The following SLC6A18 variants were observed in gnomAD, a reference collection of about 807,000 sequenced individuals.
SLC6A18 encodes inactive sodium-dependent neutral amino acid transporter B(0)AT3.
SLC6A18 carries 58 observed loss-of-function variants against 62.9 expected under a neutral mutation model. That is an observed-to-expected ratio of 0.92 (90% confidence interval 0.75 to 1.15). The LOEUF (loss-of-function observed/expected upper bound fraction) is 1.15. Among genes scored for constraint, SLC6A18 ranks in the 50% most tolerant of loss-of-function variants. SLC6A18 has a pLI of 0.00. For synonymous variants in SLC6A18, 382 were observed against 365.8 expected (o/e 1.04, Z -0.51); for missense variants, 793 against 836.6 (o/e 0.95, Z 0.64).
At chr5:1,228,113 G>A (rs1746629945) in intron 1 of SLC6A18, among the ~76,000 whole-genome samples, 1 of 112,620 alleles carries the variant, frequency 8.9e-6, no homozygotes, top group African/African-American at 3.1e-5. Flanking sequence ...TAGTAGTAGA[G>A]CAAGGCCTTT....
In SLC6A18 at chr5:1,241,858, C is replaced by T. The variant is rs532145346; in HGVS notation, c.975-849C>T. 9.8e-5 allele frequency among the ~76,000 whole-genome samples: 15 copies of T among 152,342 alleles called. No homozygotes were observed. In the East Asian group the frequency reaches 1.2e-3, roughly 12 times the overall value. ...AATGAGCAGGCGGATAAGGACCAGC[C>T]GTGCGCACAACGCCCTGCGCCGTGC... On this transcript the variant is annotated intron_variant, in intron 7 of 11. Coordinates refer to ENST00000324642, the MANE Select transcript of SLC6A18 (RefSeq NM_182632.3). This position sits in a 1 kb window ranked among gnomAD's most constrained non-coding sequence, Gnocchi z 7.8.
At chr5:1,236,140 T>A (rs993849424) in intron 4 of SLC6A18, among the ~76,000 whole-genome samples, 3 of 151,954 alleles carry the variant, frequency 2.0e-5, no homozygotes, top group African/African-American at 4.8e-5. Context: ...TGTTTTTTTT[T>A]ATTCTTGTTT....
At chr5:1,237,899 G>A (rs2126535782) in intron 4 of SLC6A18, 51 bp from the exon 5 acceptor site, 4 of 1,433,160 alleles carry the variant, frequency 2.8e-6, no homozygotes, top group Non-Finnish European at 3.0e-6. Context: ...TGAGGCTTGT[G>A]GACAGACCAG....
intron 11 of SLC6A18, among the ~76,000 whole-genome samples, chr5:1,245,105 C>T (rs1002806120): frequency 6.6e-5 from 10 of 152,202 alleles, no homozygotes; most frequent in Non-Finnish European, 1.2e-4. Context: ...ATCCTCCCTG[C>T]CTGTGTCCTG....
intron 7 of SLC6A18, among the ~76,000 whole-genome samples, chr5:1,242,130 T>C (rs1747076384): frequency 6.6e-6 from 1 of 152,134 alleles, no homozygotes; most frequent in Non-Finnish European, 1.5e-5. Flanking sequence ...CCCAGGTCCT[T>C]GTCTGCAGGG....
In SLC6A18 at chr5:1,243,532, G is replaced by A. The variant is rs1362837029; in HGVS notation, c.1132-23G>A. 1 of 1,610,852 alleles carries A rather than the reference G, an allele frequency of 6.2e-7. No homozygotes were observed. The highest frequency in any genetic ancestry group is 8.5e-7 in the Non-Finnish European group (1 of 1,179,468). On this transcript the variant is annotated intron_variant, in intron 8 of 11. Transcript: ENST00000324642. This position sits in a 1 kb window ranked among gnomAD's most constrained non-coding sequence, Gnocchi z 6.5. ...GGAGTGTGTGTGTGCGTGGCCTGAA[G>A]CCCGGGGCTCCGTGTATTGCAGAGT...
At chr5:1,234,954 G>A (rs1197301479) in intron 3 of SLC6A18, among the ~76,000 whole-genome samples, 1 of 152,252 alleles carries the variant, frequency 6.6e-6, no homozygotes, top group Non-Finnish European at 1.5e-5. Flanking sequence ...AGTGGGTCCT[G>A]AGAGATGTCA....
At chr5:1,237,913 C>A in intron 4 of SLC6A18, 37 bp from the exon 5 acceptor site, 1 of 1,515,488 alleles carries the variant, frequency 6.6e-7, no homozygotes. Flanking sequence ...AGACCAGAGG[C>A]CATTTCAAGT....
rs1467627438 is a variant in SLC6A18, at chr5:1,244,598, T to C, written c.1497-10T>C. 7 of 1,586,004 alleles carry C rather than the reference T, an allele frequency of 4.4e-6. No individual in the cohort carries two copies. The South Asian group carries it at 7.9e-5, about 18-fold the overall frequency. ...GACCATGTGAAGCCTGAGCCCAGCA[T>C]CTGGTGCAGGTTCTGCGATGACATT... On this transcript the variant is annotated splice_polypyrimidine_tract_variant and intron_variant, in intron 10 of 11. Coordinates refer to ENST00000324642, the MANE Select transcript of SLC6A18 (RefSeq NM_182632.3).
At chr5:1,225,663 C>G in intron 1 of SLC6A18, 26 bp downstream of exon 1, 1 of 1,538,558 alleles carries the variant, frequency 6.5e-7, no homozygotes, top group Non-Finnish European at 8.8e-7. Flanking sequence ...CGTCCTGGGG[C>G]AGACCCCTAA....
rs923789222 is a variant in SLC6A18, at chr5:1,241,739, C to T, written c.975-968C>T. On this transcript the variant is annotated intron_variant, in intron 7 of 11. Coordinates refer to ENST00000324642, the MANE Select transcript of SLC6A18 (RefSeq NM_182632.3). The surrounding 1 kb of genome is among the most constrained non-coding windows in gnomAD (Gnocchi z 7.8). ...GGCTTTGTTCAGCCCCAGCCGGGGACGTGCATGGCGGGCAACTCTGATTTC... is the reference window on the plus strand; with the variant it reads ...GGCTTTGTTCAGCCCCAGCCGGGGATGTGCATGGCGGGCAACTCTGATTTC... 4.6e-5 allele frequency among the ~76,000 whole-genome samples: 7 copies of T among 152,300 alleles called. No individual in the cohort carries two copies. The highest frequency in any genetic ancestry group is 2.1e-4 in the South Asian group (1 of 4,820).
At chr5:1,229,785 G>T (rs1439316956) in intron 1 of SLC6A18, among the ~76,000 whole-genome samples, 1 of 151,828 alleles carries the variant, frequency 6.6e-6, no homozygotes, top group East Asian at 1.9e-4. Context: ...GGCTGGGGGT[G>T]GGGGGAAGTG....
chr5:1,242,006 C>T (rs1468450853), intron 7 of SLC6A18, among the ~76,000 whole-genome samples: 4 of 147,946 alleles, frequency 2.7e-5, no homozygotes, highest in South Asian at 4.4e-4. Flanking sequence ...CCATGTGTCC[C>T]GCCCTTGGCT....
intron 4 of SLC6A18, among the ~76,000 whole-genome samples, chr5:1,236,513 A>T (rs954174258): frequency 1.3e-5 from 2 of 152,264 alleles, no homozygotes; most frequent in Non-Finnish European, 2.9e-5. Context: ...CATTGGGAGC[A>T]GCAGAAAGGA....
At position 1,244,280 on chromosome 5, in the gene SLC6A18, T is replaced by C. The variant is rs1483944941; in HGVS notation, c.1403T>C (p.Leu468Pro). Residue 468 changes from leucine (L) to proline (P), a missense_variant, in exon 10 of 12, where the codon CTG (leucine) becomes CCG (proline). By Grantham distance (98) the Leu-to-Pro change is moderately conservative. Coordinates refer to ENST00000324642, the MANE Select transcript of SLC6A18 (RefSeq NM_182632.3). ...CFTLQSGNYWLEIFDNFAASP... is the reference protein window; with the variant it reads ...CFTLQSGNYWPEIFDNFAASP... Reference sequence around the variant, plus strand: ...ACGCTGCAGTCTGGGAACTACTGGCTGGAGATTTTCGACAATTTTGCCGCT... The same window carrying C: ...ACGCTGCAGTCTGGGAACTACTGGCCGGAGATTTTCGACAATTTTGCCGCT... 6 of 1,613,680 alleles carry C rather than the reference T, an allele frequency of 3.7e-6. No homozygotes were observed. The highest frequency in any genetic ancestry group is 5.1e-6 in the Non-Finnish European group (6 of 1,179,950).
chr5:1,231,847 C>G (rs1355194973), intron 1 of SLC6A18, among the ~76,000 whole-genome samples: 1 of 152,136 alleles, frequency 6.6e-6, no homozygotes, highest in Non-Finnish European at 1.5e-5. Flanking sequence ...GAGGCTGAGT[C>G]CCCACTGCCG....
At position 1,243,484 on chromosome 5, in the gene SLC6A18, G is replaced by C. The variant is rs1747121050; in HGVS notation, c.1132-71G>C. ...CTCGGCCTGGGAGAGTGTGTGTCCT[G>C]CAGGCAGGCGTGTGTGTGTGGTGGA... On this transcript the variant is annotated intron_variant, in intron 8 of 11. Coordinates refer to ENST00000324642, the MANE Select transcript of SLC6A18 (RefSeq NM_182632.3). The surrounding 1 kb of genome is among the most constrained non-coding windows in gnomAD (Gnocchi z 6.5). 1.3e-6 allele frequency: 2 copies of C among 1,531,360 alleles called. No homozygotes were observed. Among genetic ancestry groups the C allele is most frequent in the Admixed American group, 3.4e-5 (2 of 58,932 alleles). 94.9% of individuals were successfully genotyped at this position (1,531,360 alleles called of 1,614,324 possible). A position where few individuals can be genotyped will look rare whatever the true frequency, so the allele number is the denominator to read the frequency against.
rs943301848 is a variant in SLC6A18, at chr5:1,227,723, G to A, written c.160+2086G>A. On this transcript the variant is annotated intron_variant, in intron 1 of 11. Coordinates refer to ENST00000324642, the MANE Select transcript of SLC6A18 (RefSeq NM_182632.3). ...GTAACAGAATGTAGCAAAACGTTGC[G>A]GTAAAGATTTACAGTGATTTTCTCA... 1.1e-4 allele frequency among the ~76,000 whole-genome samples: 16 copies of A among 152,138 alleles called. 1 individual carries two copies. Among genetic ancestry groups the A allele is most frequent in the Non-Finnish European group, 8.8e-5 (6 of 68,020 alleles).
Position 1,243,953 on chromosome 5 carries a change from G to A in SLC6A18, c.1336+194G>A, listed in dbSNP as rs1032857149. Among the ~76,000 whole-genome samples the A allele has an allele frequency of 2.8e-4, 42 of 152,162 alleles. 1 individual carries two copies. The highest frequency in any genetic ancestry group is 5.9e-5 in the Non-Finnish European group (4 of 68,010). ...CGAGGGTCGAGGGAGGGTCAGGGCT[G>A]CCCCTCCCCCACGGCCCCGGAGGCC... is the stretch of plus-strand genomic sequence containing the variant. On this transcript the variant is annotated intron_variant, in intron 9 of 11. Coordinates refer to ENST00000324642, the MANE Select transcript of SLC6A18 (RefSeq NM_182632.3). The surrounding 1 kb of genome is among the most constrained non-coding windows in gnomAD (Gnocchi z 6.5).
Sources: allele counts gnomAD v4.1 joint callset (sites outside exome capture counted in the v4.1 genomes callset), GRCh38; gene constraint gnomAD v4.1.1; non-coding constraint Gnocchi (gnomAD v3.1); transcripts MANE v1.5; gene names NCBI Gene and HGNC (gene_info 2026-07-23, HGNC 2026-07-21).